Variants in CLSTN2 observed in about 807,000 individuals in gnomAD.
CLSTN2 encodes the protein calsyntenin 2, also known as calsyntenin-2.
A neutral mutation model predicts 101.2 loss-of-function variants in CLSTN2; 48 were observed. The ratio of observed to expected loss-of-function variants is 0.47; its 90% CI spans 0.38 to 0.60. CLSTN2 has a LOEUF of 0.60. Among genes scored for constraint, CLSTN2 ranks in the 20% least tolerant of loss-of-function variants. The probability of loss-of-function intolerance (pLI) is 0.00; values close to 1 mark genes in which losing one functional copy is unlikely to be tolerated. For synonymous variants in CLSTN2, 481 were observed against 463.6 expected (o/e 1.04, Z -0.48); for missense variants, 1,160 against 1,238.2 (o/e 0.94, Z 0.95).
chr3:140,140,981 A>C (rs2009689241), intron 1 of CLSTN2, among the ~76,000 whole-genome samples: 1 of 152,228 alleles, frequency 6.6e-6, no homozygotes, highest in South Asian at 2.1e-4. Flanking sequence ...CCACAGCAAT[A>C]GCAATAGGGA....
At chr3:140,304,777 T>G (rs991460837) in intron 2 of CLSTN2, among the ~76,000 whole-genome samples, 7 of 152,182 alleles carry the variant, frequency 4.6e-5, no homozygotes, top group Non-Finnish European at 7.4e-5. Context: ...GAAAGCAAGC[T>G]GGCTTTGGGT....
intron 1 of CLSTN2, among the ~76,000 whole-genome samples, chr3:140,161,035 C>A (rs1043075757): frequency 6.6e-6 from 1 of 152,146 alleles, no homozygotes; most frequent in African/African-American, 2.4e-5. Flanking sequence ...ACACACGGAG[C>A]ACCTACCATG....
At chr3:140,042,973 A>G (rs1384441804) in intron 1 of CLSTN2, among the ~76,000 whole-genome samples, 3 of 152,148 alleles carry the variant, frequency 2.0e-5, no homozygotes, top group African/African-American at 7.2e-5. Flanking sequence ...GAATAGTGCC[A>G]CAATAAACAT....
chr3:140,379,931 G>A (rs926134276), intron 2 of CLSTN2, among the ~76,000 whole-genome samples: 1 of 152,044 alleles, frequency 6.6e-6, no homozygotes, highest in African/African-American at 2.4e-5. Context: ...CCAAAAAATA[G>A]GATTACCATT....
chr3:140,318,731 C>A (rs557215695), intron 2 of CLSTN2, among the ~76,000 whole-genome samples: 1 of 152,208 alleles, frequency 6.6e-6, no homozygotes, highest in Non-Finnish European at 1.5e-5. Context: ...AGCCACCAGT[C>A]TGTGCTGGGA....
chr3:140,452,753 G>A (rs1179671078), intron 6 of CLSTN2: 1 of 152,148 alleles, frequency 6.6e-6, no homozygotes, highest in Non-Finnish European at 1.5e-5. Context: ...GTTTATGCAT[G>A]GAGACACTGC....
chr3:140,471,741 G>A lies in CLSTN2; in HGVS notation c.1344+5010G>A, dbSNP rs147364835. Among the ~76,000 whole-genome samples, 6 of 152,302 alleles carry A rather than the reference G, an allele frequency of 3.9e-5. No homozygotes were observed. The East Asian group carries it at 1.2e-3, about 29-fold the overall frequency. ...AAGATTCAGTGGAAAGTAAAATAAAGTAATAAAGGTTTAGCCACTACACAT... is the reference window on the plus strand; with the variant it reads ...AAGATTCAGTGGAAAGTAAAATAAAATAATAAAGGTTTAGCCACTACACAT... On this transcript the variant is annotated intron_variant, in intron 8 of 16. Transcript: ENST00000458420.
intron 1 of CLSTN2, among the ~76,000 whole-genome samples, chr3:140,135,105 CACACACACACACATATATATATAT>C (rs1359088932): frequency 1.9e-5 from 1 of 53,304 alleles, no homozygotes; most frequent in African/African-American, 8.8e-5. Context: ...CACACACACA[CACACACACACACATATATATATAT>C]ATATATATAT....
At chr3:140,386,622 G>C (rs79710392) in intron 2 of CLSTN2, among the ~76,000 whole-genome samples, 1 of 152,070 alleles carries the variant, frequency 6.6e-6, no homozygotes, top group Non-Finnish European at 1.5e-5. Flanking sequence ...CTCTCTGGGT[G>C]TGAGAACAAG....
chr3:140,202,788 A>G (rs2010733249), intron 2 of CLSTN2, among the ~76,000 whole-genome samples: 1 of 152,174 alleles, frequency 6.6e-6, no homozygotes, highest in Non-Finnish European at 1.5e-5. Flanking sequence ...CAAAGTAAAG[A>G]CAGTATAGAA....
At chr3:140,336,384 GC>G (rs1020272111) in intron 2 of CLSTN2, among the ~76,000 whole-genome samples, 2 of 152,170 alleles carry the variant, frequency 1.3e-5, no homozygotes, top group Admixed American at 1.3e-4. Flanking sequence ...AATTTCTGGA[GC>G]CCAGGGCAAC....
chr3:140,385,094 G>A lies in CLSTN2; in HGVS notation c.233-18535G>A, dbSNP rs1432978750. On this transcript the variant is annotated intron_variant, in intron 2 of 16. Transcript: ENST00000458420. ...ATCTGTCAAATTGTTTGAAAACCCTGAGCAGCAGGGTTGGTGGTAGGGTGA... is the reference window on the plus strand; with the variant it reads ...ATCTGTCAAATTGTTTGAAAACCCTAAGCAGCAGGGTTGGTGGTAGGGTGA... Among the ~76,000 whole-genome samples the A allele has an allele frequency of 3.9e-5, 6 of 152,286 alleles. No homozygotes were observed. In the East Asian group the frequency reaches 1.2e-3, roughly 29 times the overall value.
chr3:140,031,095 T>C (rs2007537675), intron 1 of CLSTN2, among the ~76,000 whole-genome samples: 1 of 152,176 alleles, frequency 6.6e-6, no homozygotes, highest in African/African-American at 2.4e-5. Context: ...GACATCAACA[T>C]ACACTTTTAA....
chr3:140,101,337 G>C (rs552549975), intron 1 of CLSTN2, among the ~76,000 whole-genome samples: 1 of 152,138 alleles, frequency 6.6e-6, no homozygotes, highest in East Asian at 1.9e-4. Flanking sequence ...TATTCATATT[G>C]GTTATTACTG....
chr3:140,494,551 C>T (rs1436173900), intron 8 of CLSTN2, among the ~76,000 whole-genome samples: 1 of 152,150 alleles, frequency 6.6e-6, no homozygotes, highest in Non-Finnish European at 1.5e-5. Context: ...CTGCACAGAT[C>T]ATCCCATCAC....
chr3:140,214,943 A>AT (rs2010902695), intron 2 of CLSTN2, among the ~76,000 whole-genome samples: 1 of 152,208 alleles, frequency 6.6e-6, no homozygotes. Context: ...AATGCATCAA[A>AT]TTTTTATCAA....
chr3:140,168,556 T>C (rs2107824076), intron 1 of CLSTN2, among the ~76,000 whole-genome samples: 1 of 152,222 alleles, frequency 6.6e-6, no homozygotes, highest in African/African-American at 2.4e-5. Flanking sequence ...TGCTTTTTTT[T>C]GGAGCCTTCT....
intron 5 of CLSTN2, among the ~76,000 whole-genome samples, chr3:140,443,286 C>T (rs114693669): frequency 4.6e-5 from 7 of 152,226 alleles, no homozygotes; most frequent in Non-Finnish European, 7.3e-5. Context: ...TATTCTGCAT[C>T]GTTTCTGACC....
intron 1 of CLSTN2, among the ~76,000 whole-genome samples, chr3:139,945,186 A>C (rs1935197050): frequency 6.6e-6 from 1 of 152,142 alleles, no homozygotes; most frequent in East Asian, 1.9e-4. Context: ...TGACTAGAAA[A>C]CCACTGTGGA....
Sources: allele counts gnomAD v4.1 joint callset (sites outside exome capture counted in the v4.1 genomes callset), GRCh38; gene constraint gnomAD v4.1.1; transcripts MANE v1.5; gene names NCBI Gene and HGNC (gene_info 2026-07-23, HGNC 2026-07-21).